Variants in DGKI observed in about 807,000 individuals in gnomAD.
DGKI encodes DAG kinase iota.
DGKI carries 55 observed loss-of-function variants against 147.5 expected under a neutral mutation model. The observed-to-expected ratio is 0.37, with a 90% confidence interval of 0.30 to 0.47. The LOEUF (loss-of-function observed/expected upper bound fraction) is 0.47. Ranked by LOEUF, DGKI falls within the 20% of genes least tolerant of loss-of-function variation. DGKI has a pLI of 1.00. For synonymous variants in DGKI, 469 were observed against 477.1 expected (o/e 0.98, Z 0.22); for missense variants, 1,007 against 1,323.8 (o/e 0.76, Z 3.71).
chr7:137,779,454 G>A (rs759716897), intron 1 of DGKI, among the ~76,000 whole-genome samples: 8 of 152,170 alleles, frequency 5.3e-5, no homozygotes, highest in African/African-American at 1.4e-4. Flanking sequence ...GAAGGACATA[G>A]AACATAATAT....
chr7:137,396,788 G>A (rs80334019), intron 31 of DGKI, among the ~76,000 whole-genome samples: 2,049 of 152,230 alleles, frequency 0.013, 51 homozygotes, highest in African/African-American at 0.046. Context: ...TAGCTATTTC[G>A]CTACTTTAGA....
chr7:137,696,628 A>G (rs1823798355), intron 1 of DGKI, among the ~76,000 whole-genome samples: 1 of 151,906 alleles, frequency 6.6e-6, no homozygotes, highest in African/African-American at 2.4e-5. Flanking sequence ...ATTTTAAAAC[A>G]TGGTAAGATG....
At chr7:137,586,959 A>G in intron 13 of DGKI, 138 bp downstream of exon 13, 1 of 586,810 alleles carries the variant, frequency 1.7e-6, no homozygotes, top group South Asian at 3.2e-5. Context: ...ATAAGGGCTC[A>G]AGGGCACTTT....
chr7:137,835,557 A>G (rs1798351499), intron 1 of DGKI, among the ~76,000 whole-genome samples: 1 of 152,228 alleles, frequency 6.6e-6, no homozygotes, highest in South Asian at 2.1e-4. Context: ...GCAAAGAAAG[A>G]GCCTGACTCT....
At chr7:137,688,144 G>A (rs1823484126) in intron 2 of DGKI, among the ~76,000 whole-genome samples, 1 of 152,184 alleles carries the variant, frequency 6.6e-6, no homozygotes, top group East Asian at 1.9e-4. Flanking sequence ...ATGTCCTTTT[G>A]TTGCATTCCA....
intron 20 of DGKI, among the ~76,000 whole-genome samples, chr7:137,531,466 C>A (rs905022500): frequency 6.6e-6 from 1 of 152,102 alleles, no homozygotes; most frequent in African/African-American, 2.4e-5. Flanking sequence ...CTTTTACTGT[C>A]AGTTGGAGGG....
chr7:137,768,751 T>C (rs1176920243), intron 1 of DGKI, among the ~76,000 whole-genome samples: 1 of 152,158 alleles, frequency 6.6e-6, no homozygotes, highest in Non-Finnish European at 1.5e-5. Context: ...CCAACATTCT[T>C]TGGGCTGCCT....
chr7:137,396,268 T>C (rs1612615), intron 31 of DGKI, among the ~76,000 whole-genome samples: 151,624 of 152,324 alleles, frequency 1, 75,468 homozygotes, highest in Non-Finnish European at 1. Flanking sequence ...GGGGCAGCCA[T>C]AGAGGATATC....
intron 27 of DGKI, among the ~76,000 whole-genome samples, chr7:137,450,832 T>A (rs1466103112): frequency 6.6e-6 from 1 of 151,722 alleles, no homozygotes; most frequent in African/African-American, 2.4e-5. Flanking sequence ...CTTCCATGAA[T>A]CTTGATCTGA....
chr7:137,752,446 T>C (rs1042826693), intron 1 of DGKI, among the ~76,000 whole-genome samples: 4 of 152,204 alleles, frequency 2.6e-5, no homozygotes, highest in Non-Finnish European at 4.4e-5. Context: ...CCCCTCATAT[T>C]GTCTTATGCC....
At chr7:137,447,144 A>G (rs1401912606) in intron 27 of DGKI, among the ~76,000 whole-genome samples, 2 of 152,210 alleles carry the variant, frequency 1.3e-5, no homozygotes, top group Non-Finnish European at 2.9e-5. Flanking sequence ...TAAATGCAGC[A>G]AAATAATACA....
At chr7:137,660,589 TAG>T (rs890334493) in intron 3 of DGKI, among the ~76,000 whole-genome samples, 1 of 152,116 alleles carries the variant, frequency 6.6e-6, no homozygotes, top group African/African-American at 2.4e-5. Flanking sequence ...CAGGCAGTGG[TAG>T]AGAGTATACA....
chr7:137,585,301 C>G lies in DGKI; in HGVS notation c.1471G>C (p.Asp491His). Residue 491 changes from aspartate to histidine, a missense_variant, in exon 14 of 33, where the codon GAT (aspartate) becomes CAT (histidine). Transcript: ENST00000614521. ...CGATCTAGCTGTACAACTGTCCCAT[C>G]TTCCACTTGACACAGGATCTTAGAA... ...PVSKILCQVEDGTVVQLDRWN... is the reference protein window; with the variant it reads ...PVSKILCQVEHGTVVQLDRWN... 6.2e-7 allele frequency: 1 copy of G among 1,614,194 alleles called. No individual in the cohort carries two copies. Among genetic ancestry groups the G allele is most frequent in the Non-Finnish European group, 8.5e-7 (1 of 1,180,014 alleles).
chr7:137,476,562 C>A (rs906660856), intron 23 of DGKI, among the ~76,000 whole-genome samples: 1 of 152,136 alleles, frequency 6.6e-6, no homozygotes, highest in African/African-American at 2.4e-5. Flanking sequence ...TTAGGGTTAC[C>A]TGGACACTGC....
intron 3 of DGKI, among the ~76,000 whole-genome samples, chr7:137,670,430 T>C (rs1822802750): frequency 6.6e-6 from 1 of 152,212 alleles, no homozygotes; most frequent in South Asian, 2.1e-4. Context: ...CCTGAGGGTC[T>C]ACCATGTGCC....
intron 1 of DGKI, among the ~76,000 whole-genome samples, chr7:137,723,051 AT>A (rs1166707042): frequency 6.6e-6 from 1 of 152,104 alleles, no homozygotes; most frequent in African/African-American, 2.4e-5. Context: ...AACCTCATAG[AT>A]TTGTTGTGAG....
At chr7:137,501,589 C>T (rs1054373770) in intron 21 of DGKI, among the ~76,000 whole-genome samples, 3 of 152,138 alleles carry the variant, frequency 2.0e-5, no homozygotes, top group Admixed American at 2.0e-4. Flanking sequence ...AGCCAAAAGA[C>T]CCTTGTAGAC....
At chr7:137,488,337 C>A (rs1815641957) in intron 21 of DGKI, among the ~76,000 whole-genome samples, 1 of 151,986 alleles carries the variant, frequency 6.6e-6, no homozygotes, top group African/African-American at 2.4e-5. Context: ...TTAAGGATGG[C>A]CAATGTAAGA....
chr7:137,428,851 C>CAT (rs1563013688), intron 28 of DGKI, among the ~76,000 whole-genome samples: 9 of 151,444 alleles, frequency 5.9e-5, no homozygotes, highest in African/African-American at 1.7e-4. Context: ...ACAAGGGATG[C>CAT]GAAGGACCTC....
Sources: gnomAD v4.1 joint callset for allele counts (sites outside exome capture counted in the v4.1 genomes callset) on GRCh38, gnomAD v4.1.1 for gene constraint, MANE v1.5 for transcripts, NCBI Gene and HGNC (gene_info 2026-07-23, HGNC 2026-07-21) for gene names.